The following DPYSL5 variants were observed in gnomAD, a reference collection of about 807,000 sequenced individuals.
DPYSL5 encodes the protein dihydropyrimidinase like 5.
DPYSL5 carries 9 observed loss-of-function variants against 58.4 expected under a neutral mutation model. The observed-to-expected ratio is 0.15, with a 90% CI of 0.09 to 0.27. The LOEUF is 0.27. Among genes scored for constraint, DPYSL5 ranks in the 10% least tolerant of loss-of-function variants. The pLI is 1.00. For synonymous variants in DPYSL5, 293 were observed against 301.9 expected (o/e 0.97, Z 0.31); for missense variants, 499 against 770.6 (o/e 0.65, Z 4.17).
intron 1 of DPYSL5, among the ~76,000 whole-genome samples, chr2:26,887,218 TAAAC>T (rs1000958402): frequency 6.6e-6 from 1 of 152,256 alleles, no homozygotes; most frequent in African/African-American, 2.4e-5. Context: ...ATGTGAGTCT[TAAAC>T]TAATGCTTTC....
At chr2:26,857,697 C>T (rs1665914108) in intron 1 of DPYSL5, among the ~76,000 whole-genome samples, 1 of 152,142 alleles carries the variant, frequency 6.6e-6, no homozygotes, top group South Asian at 2.1e-4. Context: ...AGACAGGACA[C>T]TGCCTTTTTT....
At chr2:26,910,890 C>T (rs1664422491) in intron 2 of DPYSL5, among the ~76,000 whole-genome samples, 2 of 151,454 alleles carry the variant, frequency 1.3e-5, no homozygotes, top group Admixed American at 6.6e-5. Flanking sequence ...TTTTGAAGTC[C>T]AATTTATCGA....
rs1187390427 is a variant in DPYSL5 at position 26,924,155 on chromosome 2, T to C, written c.262-732T>C. Among the ~76,000 whole-genome samples, 1 of 152,220 alleles carries C rather than the reference T, an allele frequency of 6.6e-6. No homozygotes were observed. Among genetic ancestry groups the C allele is most frequent in the African/African-American group, 2.4e-5 (1 of 41,464 alleles). Reference sequence around the variant, plus strand: ...TTCACTCTATGATTGCGAGTGAGGCTTTTTAACAATTTCTTTTTAAAGTGG... The same window carrying C: ...TTCACTCTATGATTGCGAGTGAGGCCTTTTAACAATTTCTTTTTAAAGTGG... On this transcript the variant is annotated intron_variant, in intron 2 of 12. Coordinates refer to ENST00000288699, the MANE Select transcript of DPYSL5 (RefSeq NM_020134.4). This position sits in a 1 kb window ranked among gnomAD's most constrained non-coding sequence, Gnocchi z 4.7.
At chr2:26,885,451 G>A (rs1663692819) in intron 1 of DPYSL5, among the ~76,000 whole-genome samples, 1 of 152,120 alleles carries the variant, frequency 6.6e-6, no homozygotes, top group Non-Finnish European at 1.5e-5. Flanking sequence ...GATGCTTCAT[G>A]ATCTGGTGCA....
Position 26,927,935 on chromosome 2 carries a change from G to A in DPYSL5, c.601-320G>A, listed in dbSNP as rs1664867902. Among the ~76,000 whole-genome samples the A allele has an allele frequency of 6.6e-6, 1 of 152,184 alleles. No homozygotes were observed. The highest frequency in any genetic ancestry group is 1.5e-5 in the Non-Finnish European group (1 of 68,028). On this transcript the variant is annotated intron_variant, in intron 4 of 12. Transcript: ENST00000288699. This position sits in a 1 kb window ranked among gnomAD's most constrained non-coding sequence, Gnocchi z 4.3. ...AGAGCTTAGTCTCGATTTCCAGAGA[G>A]GGAATTCTGAGTTTGAAATCAGTAA...
rs913908332 is a variant in DPYSL5, at chr2:26,932,386, C to T, written c.714+702C>T. Among the ~76,000 whole-genome samples the T allele has an allele frequency of 5.9e-5, 9 of 152,180 alleles. No individual in the cohort carries two copies. In the South Asian group the frequency reaches 6.2e-4, roughly 11 times the overall value. ...CCACCAGCTTTCCATTCCACCCCGC[C>T]GAGCCTGCTGAAGCTCAGTTCATTG... On this transcript the variant is annotated intron_variant, in intron 6 of 12. Transcript: ENST00000288699.
At chr2:26,896,859 C>T (rs894074695) in intron 1 of DPYSL5, among the ~76,000 whole-genome samples, 2 of 152,142 alleles carry the variant, frequency 1.3e-5, no homozygotes, top group Non-Finnish European at 2.9e-5. Context: ...GTTTCCTTCG[C>T]TATGTAGAAA....
chr2:26,864,072 A>C (rs934338134), intron 1 of DPYSL5, among the ~76,000 whole-genome samples: 1 of 152,102 alleles, frequency 6.6e-6, no homozygotes, highest in Admixed American at 6.5e-5. Context: ...ACAAAACCCT[A>C]TCTCTTTCAA....
chr2:26,862,658 C>T (rs540074576), intron 1 of DPYSL5, among the ~76,000 whole-genome samples: 1 of 152,274 alleles, frequency 6.6e-6, no homozygotes, highest in Admixed American at 6.5e-5. Flanking sequence ...CTGGCTTCTG[C>T]CTGGATGTTG....
At chr2:26,908,224 T>TACA (rs1664348885) in intron 2 of DPYSL5, among the ~76,000 whole-genome samples, 2 of 152,238 alleles carry the variant, frequency 1.3e-5, no homozygotes, top group African/African-American at 4.8e-5. Flanking sequence ...TATAAAACAG[T>TACA]TAAGCATCAA....
At chr2:26,865,670 T>C (rs2148113159) in intron 1 of DPYSL5, among the ~76,000 whole-genome samples, 1 of 152,286 alleles carries the variant, frequency 6.6e-6, no homozygotes, top group South Asian at 2.1e-4. Flanking sequence ...CTTTATTGTA[T>C]AAACATTTTA....
intron 1 of DPYSL5, among the ~76,000 whole-genome samples, chr2:26,889,159 A>T (rs1303605232): frequency 2.0e-5 from 3 of 152,196 alleles, no homozygotes; most frequent in Admixed American, 2.0e-4. Context: ...AGTGAGCCAG[A>T]GGGCCAGATA....
chr2:26,927,427 G>T lies in DPYSL5; in HGVS notation c.595G>T (p.Ala199Ser). ...RVHAENGELVAEGAKEALDLG... is the reference protein window; with the variant it reads ...RVHAENGELVSEGAKEALDLG... Reference sequence around the variant, plus strand: ...CCATGCTGAAAATGGGGAGCTTGTGGCCGAGGCAAGTCTGCAGCCAAGAAT... The same window carrying T: ...CCATGCTGAAAATGGGGAGCTTGTGTCCGAGGCAAGTCTGCAGCCAAGAAT... Residue 199 changes from alanine to serine, a missense_variant, in exon 4 of 13, where the codon GCC (alanine) becomes TCC (serine). Transcript: ENST00000288699. This position sits in a 1 kb window ranked among gnomAD's most constrained non-coding sequence, Gnocchi z 4.3. 6.2e-7 allele frequency: 1 copy of T among 1,613,802 alleles called. No homozygotes were observed. Among genetic ancestry groups the T allele is most frequent in the Non-Finnish European group, 8.5e-7 (1 of 1,179,864 alleles).
At chr2:26,854,815 C>A (rs943756928) in intron 1 of DPYSL5, among the ~76,000 whole-genome samples, 11 of 151,624 alleles carry the variant, frequency 7.3e-5, no homozygotes, top group African/African-American at 2.7e-4. Context: ...TTTTCTTTTT[C>A]TTTTTCTTTT....
chr2:26,852,448 T>C (rs1665778346), intron 1 of DPYSL5, among the ~76,000 whole-genome samples: 1 of 152,202 alleles, frequency 6.6e-6, no homozygotes, highest in African/African-American at 2.4e-5. Context: ...ACAAAAGAAA[T>C]TCAGGGAGGA....
chr2:26,901,885 T>C (rs1298687743), intron 2 of DPYSL5, among the ~76,000 whole-genome samples: 1 of 151,060 alleles, frequency 6.6e-6, no homozygotes, highest in Non-Finnish European at 1.5e-5. Flanking sequence ...TGGGCCTCCA[T>C]TGTACTTGAC....
At chr2:26,878,172 A>G (rs1663461156) in intron 1 of DPYSL5, among the ~76,000 whole-genome samples, 1 of 152,226 alleles carries the variant, frequency 6.6e-6, no homozygotes, top group South Asian at 2.1e-4. Flanking sequence ...TGCTTTGGAC[A>G]TTGTTCTGTG....
At chr2:26,854,126 T>TC (rs1665821468) in intron 1 of DPYSL5, among the ~76,000 whole-genome samples, 1 of 152,060 alleles carries the variant, frequency 6.6e-6, no homozygotes, top group Non-Finnish European at 1.5e-5. Context: ...ATGAATCTTT[T>TC]ATTGGATAAT....
At chr2:26,870,320 T>A (rs1162060632) in intron 1 of DPYSL5, among the ~76,000 whole-genome samples, 1 of 152,216 alleles carries the variant, frequency 6.6e-6, no homozygotes, top group Non-Finnish European at 1.5e-5. Context: ...TTTATTTTGA[T>A]TGGTTTTTCT....
Sources: allele counts gnomAD v4.1 joint callset (sites outside exome capture counted in the v4.1 genomes callset), GRCh38; gene constraint gnomAD v4.1.1; non-coding constraint Gnocchi (gnomAD v3.1); transcripts MANE v1.5; gene names NCBI Gene and HGNC (gene_info 2026-07-23, HGNC 2026-07-21).